Variants in PKP3 observed in about 807,000 individuals in gnomAD.
PKP3 encodes plakophilin 3.
PKP3 carries 66 observed loss-of-function variants against 76.5 expected under a neutral mutation model. That is an observed-to-expected ratio of 0.86 (90% CI 0.71 to 1.06). PKP3 has a LOEUF of 1.06. PKP3 is among the 50% of genes least tolerant of loss of function. The pLI is 0.00. For synonymous variants in PKP3, 638 were observed against 516.5 expected (o/e 1.24, Z -3.19); for missense variants, 1,338 against 1,141.0 (o/e 1.17, Z -2.49).
At chr11:398,959 C>G (rs367871154) in intron 4 of PKP3, 33 bp from the exon 5 acceptor site, 3 of 1,475,328 alleles carry the variant, frequency 2.0e-6, no homozygotes. Context: ...CATCCACATG[C>G]GTCTGTGCAC....
At chr11:398,110 CTGTG>C (rs1847084839) in intron 4 of PKP3, among the ~76,000 whole-genome samples, 1 of 81,922 alleles carries the variant, frequency 1.2e-5, no homozygotes, top group Admixed American at 1.2e-4. Flanking sequence ...CCGCACACAC[CTGTG>C]TCACCTCCCT....
intron 5 of PKP3, among the ~76,000 whole-genome samples, 158 bp downstream of exon 5, chr11:399,354 C>T (rs1285246856): frequency 1.9e-5 from 1 of 51,298 alleles, no homozygotes; most frequent in Non-Finnish European, 3.6e-5. Flanking sequence ...TCCTCCTCCC[C>T]CCCTCTGCCT....
chr11:398,301 CGCACACACCTGCGTCACCTCCGTACCCCT>C (rs1847089424), intron 4 of PKP3, among the ~76,000 whole-genome samples: 1 of 71,874 alleles, frequency 1.4e-5, no homozygotes, highest in African/African-American at 9.1e-5. Context: ...TCCCTACCCC[CGCACACACCTGCGTCACCTCCGTACCCCT>C]GCACACACCT....
chr11:403,853 G>A, intron 10 of PKP3, 82 bp downstream of exon 10: 1 of 1,576,976 alleles, frequency 6.3e-7, no homozygotes, highest in Non-Finnish European at 8.6e-7. Context: ...AGACCACTGG[G>A]GCCAGTCCAG....
At chr11:400,504 C>T (rs991080891) in intron 7 of PKP3, 31 bp from the exon 8 acceptor site, 4 of 1,500,878 alleles carry the variant, frequency 2.7e-6, no homozygotes, top group Non-Finnish European at 1.8e-6. Flanking sequence ...CCGCTCTGAC[C>T]CGCGCCCCTG....
chr11:397,466 CAG>C (rs1475040065), intron 3 of PKP3, 21 bp downstream of exon 3: 1 of 1,611,922 alleles, frequency 6.2e-7, no homozygotes. Context: ...GGGCCCGGCT[CAG>C]GGAGGGGGCT....
Position 396,958 on chromosome 11 carries a change from C to A in PKP3, c.457C>A (p.Pro153Thr). Residue 153 changes from proline to threonine, a missense_variant, in exon 3 of 13, where the codon CCC (proline) becomes ACC (threonine). Coordinates refer to ENST00000331563, the MANE Select transcript of PKP3 (RefSeq NM_007183.4). ...FGAAGYGGAQ[P>T]TPPMPTRPVS... ...GGCCGCTGGGTACGGGGGTGCCCAG[C>A]CCACCCCTCCCATGCCCACCAGGCC... is the stretch of plus-strand genomic sequence containing the variant. The A allele has an allele frequency of 6.3e-7, 1 of 1,596,558 alleles. No homozygotes were observed. The highest frequency in any genetic ancestry group is 8.5e-7 in the Non-Finnish European group (1 of 1,176,960).
chr11:400,496 G>C (rs1431210785), intron 7 of PKP3, 39 bp from the exon 8 acceptor site: 12 of 1,503,640 alleles, frequency 8.0e-6, no homozygotes, highest in Non-Finnish European at 1.1e-5. Flanking sequence ...CCGGGCCGCC[G>C]CTCTGACCCG....
In PKP3 at chr11:404,623, C is replaced by T. The variant is rs539753960; in HGVS notation, c.*54C>T. 8 of 1,563,208 alleles carry T rather than the reference C, an allele frequency of 5.1e-6. No individual in the cohort carries two copies. Among genetic ancestry groups the T allele is most frequent in the Admixed American group, 1.7e-5 (1 of 59,798 alleles). On this transcript the variant is annotated 3_prime_UTR_variant, in exon 13 of 13. Coordinates refer to ENST00000331563, the MANE Select transcript of PKP3 (RefSeq NM_007183.4). The surrounding 1 kb of genome is among the most constrained non-coding windows in gnomAD (Gnocchi z 4.2). ...TGGCCCAGCGTCCAAGGGACAGACTCAGCTCCAGGCTGCTTGGCAGCCCAG... is the reference window on the plus strand; with the variant it reads ...TGGCCCAGCGTCCAAGGGACAGACTTAGCTCCAGGCTGCTTGGCAGCCCAG...
rs1363875793 is a variant in PKP3 at position 400,460 on chromosome 11, C to A, written c.1566+9C>A. ...GCAAATGCGAGGACAAGGTGAGGGG[C>A]GCGGTGTGGAGGAGGGGCCGTGCCC... On this transcript the variant is annotated intron_variant, in intron 7 of 12. Transcript: ENST00000331563. 2 of 1,537,404 alleles carry A rather than the reference C, an allele frequency of 1.3e-6. No individual in the cohort carries two copies. Among genetic ancestry groups the A allele is most frequent in the African/African-American group, 1.4e-5 (1 of 72,720 alleles).
chr11:395,402 G>A (rs979517888), intron 1 of PKP3, among the ~76,000 whole-genome samples: 1 of 152,226 alleles, frequency 6.6e-6, no homozygotes, highest in Non-Finnish European at 1.5e-5. Context: ...CCAGCGGAGG[G>A]GCCGGCCCGG....
In PKP3 at chr11:404,001, G is replaced by A. The variant is rs765294036; in HGVS notation, c.2136G>A (p.Ser712=). Residue 712 remains serine, a synonymous_variant, in exon 11 of 13, where the codon TCG becomes TCA. Coordinates refer to ENST00000331563, the MANE Select transcript of PKP3 (RefSeq NM_007183.4). This position sits in a 1 kb window ranked among gnomAD's most constrained non-coding sequence, Gnocchi z 4.2. ...TGCCGGGCAGCGTGGGTGAGAAGTC[G>A]CCCCCAGCCGAGGTGCTGGTCAACA... The part of the protein sequence containing the change: ...EKLPGSVGEK[S]PPAEVLVNII... The A allele has an allele frequency of 9.3e-6, 15 of 1,611,170 alleles. No homozygotes were observed. The highest frequency in any genetic ancestry group is 1.3e-5 in the African/African-American group (1 of 74,876).
chr11:398,216 G>A (rs1490422785), intron 4 of PKP3, among the ~76,000 whole-genome samples: 5 of 54,330 alleles, frequency 9.2e-5, no homozygotes, highest in Non-Finnish European at 3.4e-5. Flanking sequence ...CCGTACCCCC[G>A]CACACACCTG....
chr11:403,657 C>G lies in PKP3; in HGVS notation c.1963C>G (p.Arg655Gly). Residue 655 changes from arginine (R) to glycine (G), a missense_variant, in exon 10 of 13, where the codon CGT (arginine) becomes GGT (glycine). Transcript: ENST00000331563. Reference protein sequence around the residue: ...VLSRLALEQERILNPLLDRVR... With the variant: ...VLSRLALEQEGILNPLLDRVR... ...GAGCCGCCTGGCCCTGGAGCAGGAG[C>G]GTATTCTGAACCCCCTGCTAGACCG... The G allele has an allele frequency of 1.2e-6, 2 of 1,609,452 alleles. No homozygotes were observed. The highest frequency in any genetic ancestry group is 1.7e-6 in the Non-Finnish European group (2 of 1,179,768).
chr11:403,828 T>A, intron 10 of PKP3, 57 bp downstream of exon 10: 2 of 1,596,272 alleles, frequency 1.3e-6, no homozygotes, highest in South Asian at 2.2e-5. Context: ...AATTTTGTCT[T>A]TAAGTGTGGG....
At position 400,557 on chromosome 11, in the gene PKP3, TC is replaced by T. The variant is rs1342948004; in HGVS notation, c.1591del (p.Leu531CysfsTer116). The T allele has an allele frequency of 6.7e-7, 1 of 1,494,686 alleles. No individual in the cohort carries two copies. Among genetic ancestry groups the T allele is most frequent in the Non-Finnish European group, 8.9e-7 (1 of 1,129,806 alleles). 92.6% of individuals were successfully genotyped at this position (1,494,686 alleles called of 1,614,324 possible). A position where few individuals can be genotyped will look rare whatever the true frequency, so the allele number is the denominator to read the frequency against. On this transcript the variant is annotated frameshift_variant, in exon 8 of 13. Transcript: ENST00000331563. LOFTEE classifies it high-confidence loss of function. ...CAGAGCGTGGAGAACGCGGTGTGCG[TC>T]CTGCGGAACCTGTCCTACCGCCTCT... Reference protein sequence around the residue: ...EDKSVENAVCVLRNLSYRLYD... With the variant: ...EDKSVENAVCXLRNLSYRLYD...
intron 1 of PKP3, among the ~76,000 whole-genome samples, chr11:394,967 G>C (rs1199279561): frequency 6.6e-6 from 1 of 152,192 alleles, no homozygotes; most frequent in Non-Finnish European, 1.5e-5. Context: ...GGAGAGGTGT[G>C]GGGGTGCTGG....
At position 400,040 on chromosome 11, in the gene PKP3, A is replaced by G. The variant is rs1128982; in HGVS notation, c.1347A>G (p.Thr449=). The part of the protein sequence containing the change: ...RLARDTLEQL[T]DLVLSPLSGA... ...CCAGAGACACGCTGGAGCAGCTCAC[A>G]GACCTGGTGTTGAGCCCCCTGTCGG... The change falls in exon 6 of 13, where the codon ACA becomes ACG. Residue 449 remains threonine (T), a synonymous_variant. Transcript: ENST00000331563. 260,617 of 1,606,304 alleles carry G rather than the reference A, an allele frequency of 0.16. 22,952 individuals carry two copies. The highest frequency in any genetic ancestry group is 0.28 in the African/African-American group (21,110 of 74,818).
chr11:403,876 G>C, intron 10 of PKP3, 67 bp from the exon 11 acceptor site: 1 of 1,561,742 alleles, frequency 6.4e-7, no homozygotes, highest in South Asian at 1.2e-5. Context: ...CCCTGGGGGA[G>C]GCAGGGGACC....
Sources: allele counts gnomAD v4.1 joint callset (sites outside exome capture counted in the v4.1 genomes callset), GRCh38; gene constraint gnomAD v4.1.1; non-coding constraint Gnocchi (gnomAD v3.1); transcripts MANE v1.5; gene names NCBI Gene and HGNC (gene_info 2026-07-23, HGNC 2026-07-21).